GBGT1: variants seen among roughly 807,000 people sequenced by gnomAD.
GBGT1 encodes globoside alpha-1,3-N-acetylgalactosaminyltransferase 1 (FORS blood group).
GBGT1 carries 18 observed loss-of-function variants against 20.9 expected under a neutral mutation model. The observed-to-expected ratio is 0.86, with a 90% CI of 0.60 to 1.28. The LOEUF (loss-of-function observed/expected upper bound fraction) is 1.28. GBGT1 is among the 50% of genes most tolerant of loss of function. The pLI is 0.00. For synonymous variants in GBGT1, 168 were observed against 180.8 expected (o/e 0.93, Z 0.57); for missense variants, 432 against 455.7 (o/e 0.95, Z 0.47).
chr9:133,160,240 C>T (rs992224214), intron 3 of GBGT1: 14 of 238,242 alleles, frequency 5.9e-5, no homozygotes, highest in East Asian at 3.6e-4. Flanking sequence ...GATCACGCCA[C>T]GGTACTCCAG....
Position 133,153,392 on chromosome 9 carries a change from T to C in GBGT1, c.*185A>G. 1 of 413,602 alleles carries C rather than the reference T, an allele frequency of 2.4e-6. No homozygotes were observed. 25.6% of individuals were successfully genotyped at this position (413,602 alleles called of 1,614,324 possible). ...TCTCACTGTTCCCATGCCGCGTTAC[T>C]GTGAGATCCTGTGTGCTACTGTGTG... On this transcript the variant is annotated 3_prime_UTR_variant, in exon 7 of 7. Transcript: ENST00000372040.
At chr9:133,162,617 C>T in intron 1 of GBGT1, 85 bp from the exon 2 acceptor site, 1 of 586,226 alleles carries the variant, frequency 1.7e-6, no homozygotes, top group Non-Finnish European at 3.1e-6. Flanking sequence ...TCTCCATTCA[C>T]TGCAACCTCT....
In GBGT1 at chr9:133,153,568, G is replaced by A; in HGVS notation, c.*9C>T. 2.0e-6 allele frequency: 3 copies of A among 1,522,500 alleles called. No homozygotes were observed. Among genetic ancestry groups the A allele is most frequent in the Non-Finnish European group, 2.6e-6 (3 of 1,133,088 alleles). The allele number at this position is 1,522,500 out of a possible 1,614,324, so 94.3% of individuals were successfully genotyped here. ...GGGTCCCCATCCATGGCAACCCCCA[G>A]CTCCGTGGTCAGCTCCTCAGGCAGC... On this transcript the variant is annotated 3_prime_UTR_variant, in exon 7 of 7. Coordinates refer to ENST00000372040, the MANE Select transcript of GBGT1 (RefSeq NM_021996.6).
In GBGT1 at chr9:133,153,161, G is replaced by C. The variant is rs905874828; in HGVS notation, c.*416C>G. On this transcript the variant is annotated 3_prime_UTR_variant, in exon 7 of 7. Transcript: ENST00000372040. ...AAAGGACCCAGGACCCCTGTGACCA[G>C]AGAAAAGGGGTCTAGGGCGCCTTCA... The C allele has an allele frequency of 6.4e-6, 1 of 156,284 alleles. No individual in the cohort carries two copies. The highest frequency in any genetic ancestry group is 2.4e-5 in the African/African-American group (1 of 41,596). The allele number at this position is 156,284 out of a possible 1,614,324, so 9.7% of individuals were successfully genotyped here. A position where few individuals can be genotyped will look rare whatever the true frequency, so the allele number is the denominator to read the frequency against.
Position 133,154,541 on chromosome 9 carries a change from C to G in GBGT1, c.360-280G>C. 1 of 329,918 alleles carries G rather than the reference C, an allele frequency of 3.0e-6. No homozygotes were observed. The highest frequency in any genetic ancestry group is 1.2e-4 in the South Asian group (1 of 8,290). 20.4% of individuals were successfully genotyped at this position (329,918 alleles called of 1,614,324 possible). On this transcript the variant is annotated intron_variant, in intron 6 of 6. Transcript: ENST00000372040. The surrounding 1 kb of genome is among the most constrained non-coding windows in gnomAD (Gnocchi z 4.2). Reference sequence around the variant, plus strand: ...AGTGCCCAGCGACGTTCTAAGAATTCTTATGATCTTTGATCTGCATAAGCA... The same window carrying G: ...AGTGCCCAGCGACGTTCTAAGAATTGTTATGATCTTTGATCTGCATAAGCA...
At position 133,153,952 on chromosome 9, in the gene GBGT1, C is replaced by G. The variant is rs1832790408; in HGVS notation, c.669G>C (p.Leu223=). The G allele has an allele frequency of 6.2e-7, 1 of 1,611,560 alleles. No homozygotes were observed. The highest frequency in any genetic ancestry group is 1.1e-5 in the South Asian group (1 of 91,052). ...AGTAGCTTGGGTGAATGGCAGCCAC[C>G]AGGTCTCCCAAGGTCTCAGGGCCCC... ...NPWGPETLGD[L]VAAIHPSYYA... Residue 223 remains leucine, a synonymous_variant, in exon 7 of 7, where the codon CTG becomes CTC. Transcript: ENST00000372040.
intron 1 of GBGT1, among the ~76,000 whole-genome samples, chr9:133,162,782 G>A (rs550315278): frequency 2.6e-4 from 40 of 152,282 alleles, no homozygotes; most frequent in African/African-American, 8.9e-4. Flanking sequence ...TGATCCACCC[G>A]CCTCGGCCTC....
At chr9:133,160,679 G>C (rs1249937954) in intron 3 of GBGT1, among the ~76,000 whole-genome samples, 3 of 152,054 alleles carry the variant, frequency 2.0e-5, no homozygotes, top group South Asian at 2.1e-4. Flanking sequence ...AGAGAGAGAG[G>C]CTCAAAAATT....
rs1213909531 is a variant in GBGT1, at chr9:133,161,665, A to G, written c.72-133T>C. 1.9e-5 allele frequency: 12 copies of G among 617,498 alleles called. No homozygotes were observed. The East Asian group carries it at 3.1e-4, about 16-fold the overall frequency. The allele number at this position is 617,498 out of a possible 1,614,324, so 38.3% of individuals were successfully genotyped here. On this transcript the variant is annotated intron_variant, in intron 2 of 6. Transcript: ENST00000372040. ...GAGGCCAGGTCCCCTGTCATTCTGT[A>G]GGTCTGGCTGACCTTGGAGGACAAA...
rs202240295 is a variant in GBGT1, at chr9:133,153,714, G to A, written c.907C>T (p.Arg303Cys). The A allele has an allele frequency of 2.0e-5, 32 of 1,613,712 alleles. No individual in the cohort carries two copies. The highest frequency in any genetic ancestry group is 5.3e-5 in the African/African-American group (4 of 74,916). Reference sequence around the variant, plus strand: ...GACGGCTTGTTTGAGATGAAGTGACGGTTCAGGTGGCTTTCCTCCCGCCAG... The same window carrying A: ...GACGGCTTGTTTGAGATGAAGTGACAGTTCAGGTGGCTTTCCTCCCGCCAG... ...AAWREESHLN[R>C]HFISNKPSKV... The change falls in exon 7 of 7, where the codon CGT becomes TGT. Residue 303 changes from arginine (R) to cysteine (C), a missense_variant. Transcript: ENST00000372040.
chr9:133,158,296 TG>T (rs1832933298), intron 3 of GBGT1, among the ~76,000 whole-genome samples: 1 of 152,190 alleles, frequency 6.6e-6, no homozygotes, highest in Admixed American at 6.5e-5. Context: ...TTTTCTTTTT[TG>T]AGGTGGGGTC....
intron 3 of GBGT1, chr9:133,161,129 C>T: frequency 2.5e-6 from 1 of 402,644 alleles, no homozygotes; most frequent in Non-Finnish European, 4.4e-6. Context: ...GCACTGAACA[C>T]AACCCCTGCT....
chr9:133,156,024 G>A lies in GBGT1; in HGVS notation c.179C>T (p.Pro60Leu), dbSNP rs750121195. The change falls in exon 4 of 7, where the codon CCC becomes CTC. Residue 60 changes from proline to leucine, a missense_variant. Physicochemically the swap from Pro to Leu is moderately conservative, Grantham distance 98. Transcript: ENST00000372040. ...LHYKREKPLQ[P>L]VVWSQYPQPK... The stretch of plus-strand genomic sequence containing the variant: ...ATGCCAGTCTCCTTACCATACCACG[G>A]GCTGGAGTGGCTTCTCCCTCTTGTA... 78 of 1,613,932 alleles carry A rather than the reference G, an allele frequency of 4.8e-5. No individual in the cohort carries two copies. The highest frequency in any genetic ancestry group is 6.5e-5 in the Non-Finnish European group (77 of 1,179,958).
intron 2 of GBGT1, among the ~76,000 whole-genome samples, chr9:133,161,863 T>G (rs1833056360): frequency 6.6e-6 from 1 of 152,040 alleles, no homozygotes; most frequent in South Asian, 2.1e-4. Context: ...AGAGGGTGAA[T>G]TTGGGAGCGT....
chr9:133,162,991 CTGTTGCTTCCAG>C, intron 1 of GBGT1: 1 of 155,774 alleles, frequency 6.4e-6, no homozygotes, highest in East Asian at 1.9e-4. Flanking sequence ...CGGTGCTCAG[CTGTTGCTTCCAG>C]CTGTCCTTTG....
intron 3 of GBGT1, among the ~76,000 whole-genome samples, chr9:133,157,670 T>C (rs1037233698): frequency 1.3e-5 from 2 of 152,202 alleles, no homozygotes; most frequent in African/African-American, 4.8e-5. Flanking sequence ...AGGGGGTCCA[T>C]GAAGGAGGTG....
At chr9:133,159,710 T>A (rs1471408932) in intron 3 of GBGT1, among the ~76,000 whole-genome samples, 5 of 151,878 alleles carry the variant, frequency 3.3e-5, no homozygotes, top group Non-Finnish European at 7.4e-5. Flanking sequence ...AGTGTGAGGA[T>A]CACTTGAGCC....
intron 3 of GBGT1, among the ~76,000 whole-genome samples, chr9:133,156,659 C>CAA (rs111747155): frequency 0.36 from 52,763 of 144,822 alleles, 10,238 homozygotes; most frequent in East Asian, 0.53. Context: ...GATTCCATCT[C>CAA]AAAAAAAAAA....
chr9:133,158,886 G>A (rs1239475804), intron 3 of GBGT1, among the ~76,000 whole-genome samples: 1 of 152,090 alleles, frequency 6.6e-6, no homozygotes. Flanking sequence ...CTGCCTCTAT[G>A]AACTTGAGTA....
Sources: allele counts gnomAD v4.1 joint callset (sites outside exome capture counted in the v4.1 genomes callset), GRCh38; gene constraint gnomAD v4.1.1; non-coding constraint Gnocchi (gnomAD v3.1); transcripts MANE v1.5; gene names NCBI Gene and HGNC (gene_info 2026-07-23, HGNC 2026-07-21).